The following RNF169 variants were observed in gnomAD, a reference collection of about 807,000 sequenced individuals.
RNF169 encodes the protein E3 ubiquitin-protein ligase RNF169.
A neutral mutation model predicts 53.9 loss-of-function variants in RNF169; 24 were observed. That is an observed-to-expected ratio of 0.45 (90% CI 0.32 to 0.63). RNF169 has a LOEUF of 0.63. Among genes scored for constraint, RNF169 ranks in the 20% least tolerant of loss-of-function variants. The pLI is 0.04. For missense variants in RNF169, 883 were observed against 906.2 expected (o/e 0.97, Z 0.33); for synonymous variants, 396 against 363.5 (o/e 1.09, Z -1.02).
chr11:74,767,820 G>A (rs1367132224), intron 1 of RNF169, among the ~76,000 whole-genome samples: 2 of 151,614 alleles, frequency 1.3e-5, no homozygotes, highest in Non-Finnish European at 2.9e-5. Flanking sequence ...CTCGTGATCC[G>A]CCCACTTCGG....
intron 4 of RNF169, among the ~76,000 whole-genome samples, chr11:74,828,370 G>A (rs1452493949): frequency 6.6e-6 from 1 of 152,094 alleles, no homozygotes; most frequent in Non-Finnish European, 1.5e-5. Flanking sequence ...CTCATGGATG[G>A]GAAGAATGAA....
intron 1 of RNF169, among the ~76,000 whole-genome samples, chr11:74,785,896 AAT>A (rs1316819386): frequency 1.3e-5 from 2 of 151,834 alleles, no homozygotes; most frequent in Admixed American, 6.6e-5. Flanking sequence ...CTTTTCATGT[AAT>A]ATATGTATCA....
chr11:74,787,046 A>G (rs1366032714), intron 1 of RNF169, among the ~76,000 whole-genome samples: 1 of 152,206 alleles, frequency 6.6e-6, no homozygotes, highest in Non-Finnish European at 1.5e-5. Context: ...TTGCTTCTCA[A>G]ATAAAAATAA....
rs1477744962 is a variant in RNF169 at position 74,841,405 on chromosome 11, TGAA to T, written c.*4681_*4683del. On this transcript the variant is annotated 3_prime_UTR_variant, in exon 6 of 6. Transcript: ENST00000299563. Reference sequence around the variant, plus strand: ...ATGATTGTTAGCTGCTGTAGCTTTCTGAAGAAGATTGTAGAAAAGAGACTAAGA... The same window carrying T: ...ATGATTGTTAGCTGCTGTAGCTTTCTGAAGATTGTAGAAAAGAGACTAAGA... 6.6e-6 allele frequency: 1 copy of T among 152,218 alleles called. No individual in the cohort carries two copies. The highest frequency in any genetic ancestry group is 1.5e-5 in the Non-Finnish European group (1 of 68,032). The allele number at this position is 152,218 out of a possible 1,614,324, so 9.4% of individuals were successfully genotyped here. A position where few individuals can be genotyped will look rare whatever the true frequency, so the allele number is the denominator to read the frequency against.
intron 2 of RNF169, among the ~76,000 whole-genome samples, chr11:74,797,835 A>ACCGT (rs1252238165): frequency 6.6e-6 from 1 of 152,200 alleles, no homozygotes; most frequent in Non-Finnish European, 1.5e-5. Context: ...AAACGGAGGG[A>ACCGT]CCGGCTGAAG....
intron 4 of RNF169, among the ~76,000 whole-genome samples, chr11:74,827,058 T>C (rs2036109014): frequency 6.6e-6 from 1 of 152,204 alleles, no homozygotes; most frequent in Admixed American, 6.5e-5. Context: ...GCATTTCCCT[T>C]CCACACTGCC....
chr11:74,813,300 A>G (rs2035899444), intron 3 of RNF169, among the ~76,000 whole-genome samples: 1 of 152,230 alleles, frequency 6.6e-6, no homozygotes. Context: ...TGTCTGATAC[A>G]TGTTTATGAA....
rs922192168 is a variant in RNF169, at chr11:74,837,711, A to G, written c.*981A>G. 2 of 152,262 alleles carry G rather than the reference A, an allele frequency of 1.3e-5. No individual in the cohort carries two copies. The highest frequency in any genetic ancestry group is 4.8e-5 in the African/African-American group (2 of 41,468). The allele number at this position is 152,262 out of a possible 1,614,324, so 9.4% of individuals were successfully genotyped here. ...CAAGGGTTATCTGCAATGTTGATCT[A>G]AAATCCTAAAAAATCACCCTGAAGT... On this transcript the variant is annotated 3_prime_UTR_variant, in exon 6 of 6. Transcript: ENST00000299563.
intron 4 of RNF169, among the ~76,000 whole-genome samples, chr11:74,820,005 T>C (rs1481327360): frequency 2.0e-5 from 3 of 152,144 alleles, no homozygotes; most frequent in African/African-American, 4.8e-5. Flanking sequence ...AGGACAGATA[T>C]AGACAGAGAC....
intron 1 of RNF169, among the ~76,000 whole-genome samples, chr11:74,756,697 G>A (rs901412125): frequency 1.3e-5 from 2 of 152,144 alleles, no homozygotes; most frequent in African/African-American, 4.8e-5. Context: ...AACAAGGAGC[G>A]TTCTAGGGAT....
At chr11:74,776,674 G>A (rs1215226650) in intron 1 of RNF169, among the ~76,000 whole-genome samples, 1 of 152,166 alleles carries the variant, frequency 6.6e-6, no homozygotes, top group African/African-American at 2.4e-5. Context: ...AATGCCATGA[G>A]GGCCTACAGG....
At chr11:74,805,978 T>C (rs956602650) in intron 2 of RNF169, among the ~76,000 whole-genome samples, 1 of 152,088 alleles carries the variant, frequency 6.6e-6, no homozygotes, top group Non-Finnish European at 1.5e-5. Flanking sequence ...TGTACTAAGA[T>C]ACTGAGAAAG....
At chr11:74,761,927 A>G (rs1591388746) in intron 1 of RNF169, among the ~76,000 whole-genome samples, 1 of 149,824 alleles carries the variant, frequency 6.7e-6, no homozygotes, top group East Asian at 2.0e-4. Context: ...TCTCCCCATC[A>G]CTTTCAGGTA....
At chr11:74,801,953 G>A (rs2035737507) in intron 2 of RNF169, among the ~76,000 whole-genome samples, 1 of 152,134 alleles carries the variant, frequency 6.6e-6, no homozygotes, top group African/African-American at 2.4e-5. Context: ...TGAGTAAAAT[G>A]TTCATAACTC....
Position 74,839,590 on chromosome 11 carries a change from A to G in RNF169, c.*2860A>G, listed in dbSNP as rs1201520691. On this transcript the variant is annotated 3_prime_UTR_variant, in exon 6 of 6. Coordinates refer to ENST00000299563, the MANE Select transcript of RNF169 (RefSeq NM_001098638.2). Reference sequence around the variant, plus strand: ...GCCCAGTTCACCATACAAATTACCCATGTCTTACTCTGTTCCTTGTATATA... The same window carrying G: ...GCCCAGTTCACCATACAAATTACCCGTGTCTTACTCTGTTCCTTGTATATA... 6.6e-6 allele frequency: 1 copy of G among 151,972 alleles called. No individual in the cohort carries two copies. The highest frequency in any genetic ancestry group is 2.4e-5 in the African/African-American group (1 of 41,362). 9.4% of individuals were successfully genotyped at this position (151,972 alleles called of 1,614,324 possible).
chr11:74,783,891 T>C (rs1467475907), intron 1 of RNF169, among the ~76,000 whole-genome samples: 2 of 152,230 alleles, frequency 1.3e-5, no homozygotes, highest in Non-Finnish European at 2.9e-5. Flanking sequence ...TCTGGGAAAC[T>C]GAAAGGTTCA....
chr11:74,780,641 GA>G (rs1468374466), intron 1 of RNF169, among the ~76,000 whole-genome samples: 2 of 152,092 alleles, frequency 1.3e-5, no homozygotes, highest in Non-Finnish European at 2.9e-5. Flanking sequence ...GTTTCATCAT[GA>G]AAATCTTATC....
intron 1 of RNF169, among the ~76,000 whole-genome samples, chr11:74,767,632 C>T (rs1222308200): frequency 2.0e-5 from 3 of 151,720 alleles, no homozygotes; most frequent in African/African-American, 4.8e-5. Context: ...TGCAGTGGCG[C>T]GATCTTGGCT....
At chr11:74,749,501 G>C in intron 1 of RNF169, 119 bp downstream of exon 1, 1 of 869,898 alleles carries the variant, frequency 1.1e-6, no homozygotes, top group Non-Finnish European at 1.5e-6. Context: ...AGTTCTCGTG[G>C]GATTAGAACC....
Sources: gnomAD v4.1 joint callset for allele counts (sites outside exome capture counted in the v4.1 genomes callset) on GRCh38, gnomAD v4.1.1 for gene constraint, MANE v1.5 for transcripts, NCBI Gene and HGNC (gene_info 2026-07-23, HGNC 2026-07-21) for gene names.